INPP4B: variants seen among roughly 807,000 people sequenced by gnomAD.
INPP4B encodes inositol polyphosphate 4-phosphatase type II.
Under a neutral mutation model 122.5 loss-of-function variants are expected in INPP4B, and 55 were observed. That is an observed-to-expected ratio of 0.45 (90% CI 0.36 to 0.56). The LOEUF is 0.56. Among genes scored for constraint, INPP4B ranks in the 20% least tolerant of loss-of-function variants. The probability of loss-of-function intolerance (pLI) is 0.00; values close to 1 mark genes in which losing one functional copy is unlikely to be tolerated. For synonymous variants in INPP4B, 403 were observed against 388.7 expected (o/e 1.04, Z -0.43); for missense variants, 1,000 against 1,097.7 (o/e 0.91, Z 1.26).
At chr4:142,732,443 A>G (rs1439302679) in intron 1 of INPP4B, among the ~76,000 whole-genome samples, 4 of 151,986 alleles carry the variant, frequency 2.6e-5, no homozygotes, top group Non-Finnish European at 5.9e-5. Context: ...TAAAATGAAA[A>G]TAATGTTTTT....
At chr4:142,225,595 G>A (rs1851199274) in intron 12 of INPP4B, among the ~76,000 whole-genome samples, 2 of 150,492 alleles carry the variant, frequency 1.3e-5, no homozygotes, top group African/African-American at 4.9e-5. Context: ...TAAGTTCATT[G>A]TTTGGAATAT....
chr4:142,341,315 A>G (rs560784385), intron 7 of INPP4B, among the ~76,000 whole-genome samples: 2 of 152,348 alleles, frequency 1.3e-5, no homozygotes, highest in South Asian at 4.1e-4. Context: ...ATATATAAAA[A>G]TTATATCACT....
intron 15 of INPP4B, among the ~76,000 whole-genome samples, chr4:142,188,518 A>AATATATAT (rs1834283430): frequency 9.5e-6 from 1 of 105,096 alleles, no homozygotes; most frequent in African/African-American, 3.3e-5. Context: ...AAAGAAAAAA[A>AATATATAT]ATATATATAG....
At position 142,276,433 on chromosome 4, in the gene INPP4B, A is replaced by G. The variant is rs1200437281; in HGVS notation, c.504-5659T>C. 2.0e-5 allele frequency among the ~76,000 whole-genome samples: 3 copies of G among 151,992 alleles called. No individual in the cohort carries two copies. In the East Asian group the frequency reaches 5.8e-4, roughly 29 times the overall value. ...CCACCTCATCACATACCATTAAATAATGAAGTATGGTTTAGTGGAAAGCAC... is the reference window on the plus strand; with the variant it reads ...CCACCTCATCACATACCATTAAATAGTGAAGTATGGTTTAGTGGAAAGCAC... On this transcript the variant is annotated intron_variant, in intron 9 of 25. Coordinates refer to ENST00000262992, the MANE Select transcript of INPP4B (RefSeq NM_001101669.3).
At chr4:142,306,766 C>A (rs145096542) in intron 8 of INPP4B, among the ~76,000 whole-genome samples, 1 of 152,054 alleles carries the variant, frequency 6.6e-6, no homozygotes. Flanking sequence ...TCCCAGTGAC[C>A]CTGGAGGCTG....
chr4:142,517,896 T>C lies in INPP4B; in HGVS notation c.-190-55170A>G, dbSNP rs1238137114. On this transcript the variant is annotated intron_variant, in intron 2 of 25. Coordinates refer to ENST00000262992, the MANE Select transcript of INPP4B (RefSeq NM_001101669.3). ...ATTCAGCAGGTCTGGTATTGATGGA[T>C]GTATTTCCTTTTACCATATCTTGAT... 4.6e-5 allele frequency among the ~76,000 whole-genome samples: 7 copies of C among 152,352 alleles called. No homozygotes were observed. In the East Asian group the frequency reaches 1.3e-3, roughly 29 times the overall value.
intron 7 of INPP4B, among the ~76,000 whole-genome samples, chr4:142,355,157 T>C (rs1783167234): frequency 6.6e-6 from 1 of 152,046 alleles, no homozygotes; most frequent in Admixed American, 6.6e-5. Context: ...GCAAAGCGTC[T>C]TAAAATAGAA....
intron 3 of INPP4B, among the ~76,000 whole-genome samples, chr4:142,450,659 G>C (rs899378526): frequency 1.3e-5 from 2 of 152,124 alleles, no homozygotes; most frequent in Non-Finnish European, 2.9e-5. Flanking sequence ...CATTCTATAT[G>C]CATTAAATTA....
chr4:142,797,777 A>G (rs1777466121), intron 1 of INPP4B, among the ~76,000 whole-genome samples: 1 of 151,944 alleles, frequency 6.6e-6, no homozygotes, highest in South Asian at 2.1e-4. Context: ...AAAAAGATTA[A>G]ACCTAAATTG....
intron 11 of INPP4B, among the ~76,000 whole-genome samples, chr4:142,256,707 T>C (rs1736324974): frequency 6.6e-6 from 1 of 152,208 alleles, no homozygotes; most frequent in African/African-American, 2.4e-5. Flanking sequence ...ATTGTGGCAA[T>C]AATCAATAGC....
chr4:142,838,635 G>A (rs1254627815), intron 1 of INPP4B, among the ~76,000 whole-genome samples: 1 of 152,088 alleles, frequency 6.6e-6, no homozygotes, highest in Non-Finnish European at 1.5e-5. Flanking sequence ...TAACTTGCAA[G>A]TATAAAAGAC....
At chr4:142,155,281 G>C (rs1392712853) in intron 17 of INPP4B, among the ~76,000 whole-genome samples, 2 of 152,026 alleles carry the variant, frequency 1.3e-5, no homozygotes, top group Non-Finnish European at 2.9e-5. Flanking sequence ...TCAGATAACT[G>C]AACAAAATCT....
At chr4:142,523,376 G>A (rs1319443611) in intron 2 of INPP4B, among the ~76,000 whole-genome samples, 3 of 152,052 alleles carry the variant, frequency 2.0e-5, no homozygotes, top group Non-Finnish European at 4.4e-5. Context: ...TGATGTAAGA[G>A]GATTATCAGA....
chr4:142,286,907 G>A (rs1287169642), intron 9 of INPP4B: 1 of 152,108 alleles, frequency 6.6e-6, no homozygotes, highest in Non-Finnish European at 1.5e-5. Flanking sequence ...AATTGTGATG[G>A]TTTGGTTTGT....
At chr4:142,150,389 T>G (rs1348641927) in intron 17 of INPP4B, among the ~76,000 whole-genome samples, 5 of 152,214 alleles carry the variant, frequency 3.3e-5, no homozygotes, top group Admixed American at 6.5e-5. Context: ...AATGGATTGC[T>G]GGGACTTTTC....
At chr4:142,138,105 T>C (rs1414370568) in intron 18 of INPP4B, among the ~76,000 whole-genome samples, 1 of 151,380 alleles carries the variant, frequency 6.6e-6, no homozygotes, top group Admixed American at 6.6e-5. Context: ...ATTGCGGCAC[T>C]ATTCACAATA....
intron 15 of INPP4B, among the ~76,000 whole-genome samples, chr4:142,189,093 C>T (rs768924379): frequency 6.6e-6 from 1 of 152,116 alleles, no homozygotes; most frequent in Non-Finnish European, 1.5e-5. Context: ...AATATCTACC[C>T]TTATTCCTCC....
At chr4:142,451,592 A>G (rs1814233394) in intron 3 of INPP4B, among the ~76,000 whole-genome samples, 1 of 152,100 alleles carries the variant, frequency 6.6e-6, no homozygotes, top group Admixed American at 6.5e-5. Flanking sequence ...AGTTCTCCAG[A>G]TCCAGCATTC....
Position 142,164,227 on chromosome 4 carries a change from G to C in INPP4B, c.1360-3666C>G, listed in dbSNP as rs1232075278. 2.0e-5 allele frequency among the ~76,000 whole-genome samples: 3 copies of C among 151,914 alleles called. No homozygotes were observed. The East Asian group carries it at 5.8e-4, about 30-fold the overall frequency. On this transcript the variant is annotated intron_variant, in intron 16 of 25. Coordinates refer to ENST00000262992, the MANE Select transcript of INPP4B (RefSeq NM_001101669.3). Reference sequence around the variant, plus strand: ...AATTTCTAGTTTTCTGAATATTAATGGCAGAGGAATAGTTAGGACATGTTC... The same window carrying C: ...AATTTCTAGTTTTCTGAATATTAATCGCAGAGGAATAGTTAGGACATGTTC...
Sources: gnomAD v4.1 joint callset for allele counts (sites outside exome capture counted in the v4.1 genomes callset) on GRCh38, gnomAD v4.1.1 for gene constraint, MANE v1.5 for transcripts, NCBI Gene and HGNC (gene_info 2026-07-23, HGNC 2026-07-21) for gene names.